ADGB: variants seen among roughly 807,000 people sequenced by gnomAD.
ADGB encodes androglobin, also known as calpain-7-like protein.
Under a neutral mutation model 210.5 loss-of-function variants are expected in ADGB, and 172 were observed. That is an observed-to-expected ratio of 0.82 (90% CI 0.72 to 0.93). The LOEUF (loss-of-function observed/expected upper bound fraction) is 0.93, where lower values mean the gene tolerates loss of function less well. ADGB is among the 40% of genes least tolerant of loss of function. The probability of loss-of-function intolerance (pLI) is 0.00; values close to 1 mark genes in which losing one functional copy is unlikely to be tolerated. For missense variants in ADGB, 2,025 were observed against 1,964.8 expected (o/e 1.03, Z -0.58); for synonymous variants, 658 against 662.7 (o/e 0.99, Z 0.11).
intron 1 of ADGB, 127 bp from the exon 2 acceptor site, chr6:146,635,248 G>A: frequency 2.4e-6 from 2 of 821,678 alleles, no homozygotes; most frequent in South Asian, 1.0e-4. Context: ...CCACAAGTAT[G>A]ATTGTATTAA....
At chr6:146,726,413 C>T (rs1198691164) in intron 19 of ADGB, among the ~76,000 whole-genome samples, 3 of 152,024 alleles carry the variant, frequency 2.0e-5, no homozygotes, top group Admixed American at 6.6e-5. Flanking sequence ...TTATTAGAGA[C>T]GGGGTTTCAC....
In ADGB at chr6:146,733,951, G is replaced by A. The variant is rs376256381; in HGVS notation, c.2715G>A (p.Glu905=). 1.9e-6 allele frequency: 3 copies of A among 1,551,568 alleles called. No individual in the cohort carries two copies. The highest frequency in any genetic ancestry group is 1.7e-6 in the Non-Finnish European group (2 of 1,146,898). The change falls in exon 22 of 36, where the codon GAG becomes GAA. Residue 905 remains glutamate, a synonymous_variant. Transcript: ENST00000397944. ...CAAGTGATAAAGAGTATTCTGCTGA[G>A]GAAGTAGCAGCAGCAATTAAAATTC... is the stretch of plus-strand genomic sequence containing the variant. ...MPTSDKEYSA[E]EVAAAIKIQA...
chr6:146,725,019 GC>G (rs1776873767), intron 18 of ADGB: 1 of 152,142 alleles, frequency 6.6e-6, no homozygotes, highest in South Asian at 2.1e-4. Flanking sequence ...TCAATGAAAA[GC>G]TATGTCTCTT....
chr6:146,688,743 T>A (rs1776265366), intron 10 of ADGB, among the ~76,000 whole-genome samples: 1 of 152,132 alleles, frequency 6.6e-6, no homozygotes, highest in Admixed American at 6.6e-5. Flanking sequence ...GTGAGGGTGA[T>A]CTGGTTTCCC....
intron 2 of ADGB, among the ~76,000 whole-genome samples, chr6:146,643,875 A>T (rs1056746238): frequency 1.3e-5 from 2 of 151,956 alleles, no homozygotes; most frequent in African/African-American, 4.8e-5. Context: ...AGAGAATTAT[A>T]CTGACAGAAG....
At chr6:146,770,720 C>A in intron 29 of ADGB, 1 of 393,952 alleles carries the variant, frequency 2.5e-6, no homozygotes, top group South Asian at 1.8e-5. Flanking sequence ...TCCACGTAGA[C>A]ACAGGAAGAG....
Position 146,726,188 on chromosome 6 carries a change from C to T in ADGB, c.2343C>T (p.Asn781=), listed in dbSNP as rs757020818. 1 of 1,542,526 alleles carries T rather than the reference C, an allele frequency of 6.5e-7. No individual in the cohort carries two copies. The highest frequency in any genetic ancestry group is 8.8e-7 in the Non-Finnish European group (1 of 1,139,110). ...GGGATGAACACGTTGTACTGCCCAACTTTGAACCAGTAAGTATTTTTGCAA... is the reference window on the plus strand; with the variant it reads ...GGGATGAACACGTTGTACTGCCCAATTTTGAACCAGTAAGTATTTTTGCAA... ...VIGDEHVVLP[N]FEPESCRFTE... The change falls in exon 19 of 36, where the codon AAC becomes AAT. Residue 781 remains asparagine (N), a synonymous_variant. Coordinates refer to ENST00000397944, the MANE Select transcript of ADGB (RefSeq NM_024694.4).
intron 29 of ADGB, among the ~76,000 whole-genome samples, chr6:146,770,849 G>GCTA (rs1777640484): frequency 6.6e-6 from 1 of 152,068 alleles, no homozygotes; most frequent in South Asian, 2.1e-4. Context: ...GAGTGGCTGT[G>GCTA]CTACTGCTCC....
chr6:146,745,148 A>G (rs1278671777), intron 25 of ADGB, among the ~76,000 whole-genome samples: 1 of 152,216 alleles, frequency 6.6e-6, no homozygotes, highest in Non-Finnish European at 1.5e-5. Flanking sequence ...TCTAATTTTT[A>G]CTTCTGGAAA....
intron 9 of ADGB, 35 bp from the exon 10 acceptor site, chr6:146,685,699 G>GATCT (rs1167605625): frequency 7.4e-7 from 1 of 1,355,908 alleles, no homozygotes; most frequent in Non-Finnish European, 9.8e-7. Flanking sequence ...ATTTTGACTA[G>GATCT]AATTTTCACA....
intron 27 of ADGB, among the ~76,000 whole-genome samples, chr6:146,754,197 T>C (rs532533543): frequency 1.3e-5 from 2 of 151,300 alleles, no homozygotes; most frequent in Non-Finnish European, 3.0e-5. Context: ...AAAGGATTTT[T>C]TAAATTTTTA....
At chr6:146,614,701 A>G (rs1419723774) in intron 1 of ADGB, among the ~76,000 whole-genome samples, 1 of 152,168 alleles carries the variant, frequency 6.6e-6, no homozygotes, top group Non-Finnish European at 1.5e-5. Flanking sequence ...CATTGCTGTA[A>G]AAGAATACTC....
At chr6:146,753,731 C>G (rs1254835772) in intron 27 of ADGB, among the ~76,000 whole-genome samples, 1 of 151,794 alleles carries the variant, frequency 6.6e-6, no homozygotes, top group Non-Finnish European at 1.5e-5. Context: ...TTGAATCACT[C>G]TTGCATTCTT....
At chr6:146,625,001 G>T (rs1780951775) in intron 1 of ADGB, among the ~76,000 whole-genome samples, 1 of 151,922 alleles carries the variant, frequency 6.6e-6, no homozygotes, top group African/African-American at 2.4e-5. Flanking sequence ...GGTTTATCTT[G>T]ATAAATATGC....
chr6:146,600,938 A>G lies in ADGB; in HGVS notation c.74+1824A>G, dbSNP rs1056342450. 8.7e-4 allele frequency among the ~76,000 whole-genome samples: 124 copies of G among 142,532 alleles called. 1 individual carries two copies. Among genetic ancestry groups the G allele is most frequent in the Middle Eastern group, 3.6e-3 (1 of 276 alleles). 93.5% of individuals were successfully genotyped at this position (142,532 alleles called of 152,430 possible). On this transcript the variant is annotated intron_variant, in intron 1 of 35. Coordinates refer to ENST00000397944, the MANE Select transcript of ADGB (RefSeq NM_024694.4). Reference sequence around the variant, plus strand: ...CCCTCCCCCATGCGCACACACACACACACACACACACACACACACACACAC... The same window carrying G: ...CCCTCCCCCATGCGCACACACACACGCACACACACACACACACACACACAC...
intron 1 of ADGB, among the ~76,000 whole-genome samples, chr6:146,627,759 T>C (rs1366323057): frequency 6.6e-6 from 1 of 152,092 alleles, no homozygotes; most frequent in East Asian, 1.9e-4. Flanking sequence ...AACTCTCTCT[T>C]TTTTAGGATC....
At chr6:146,771,428 A>C (rs1333696124) in intron 29 of ADGB, among the ~76,000 whole-genome samples, 1 of 151,938 alleles carries the variant, frequency 6.6e-6, no homozygotes, top group Non-Finnish European at 1.5e-5. Context: ...GCATGTTACC[A>C]TATTCTCTTT....
rs142801999 is a variant in ADGB, at chr6:146,683,313, T to C, written c.1217-2421T>C. 3.3e-5 allele frequency among the ~76,000 whole-genome samples: 5 copies of C among 152,260 alleles called. No homozygotes were observed. The East Asian group carries it at 7.7e-4, about 24-fold the overall frequency. On this transcript the variant is annotated intron_variant, in intron 9 of 35. Transcript: ENST00000397944. The stretch of plus-strand genomic sequence containing the variant: ...TGTTACATAATAGTTCACTGAGTTC[T>C]GGGCCCCTGAATCTCATTTATAAGA...
chr6:146,757,264 C>A (rs1029855868), intron 27 of ADGB, among the ~76,000 whole-genome samples: 1 of 150,744 alleles, frequency 6.6e-6, no homozygotes, highest in Non-Finnish European at 1.5e-5. Context: ...TAGAATAAAC[C>A]CTAGTTGATT....
Sources: gnomAD v4.1 joint callset for allele counts (sites outside exome capture counted in the v4.1 genomes callset) on GRCh38, gnomAD v4.1.1 for gene constraint, MANE v1.5 for transcripts, NCBI Gene and HGNC (gene_info 2026-07-23, HGNC 2026-07-21) for gene names.